Variants in PCDHA3 observed in about 807,000 individuals in gnomAD.
PCDHA3 encodes the protein protocadherin alpha 3, also known as protocadherin alpha-3.
PCDHA3 carries 41 observed loss-of-function variants against 62.2 expected under a neutral mutation model. That is an observed-to-expected ratio of 0.66 (90% CI 0.51 to 0.86). The LOEUF is 0.86. Ranked by LOEUF, PCDHA3 falls within the 40% of genes least tolerant of loss-of-function variation. The probability of loss-of-function intolerance (pLI) is 0.00; values close to 1 mark genes in which losing one functional copy is unlikely to be tolerated. For missense variants in PCDHA3, 1,304 were observed against 1,241.2 expected (o/e 1.05, Z -0.76); for synonymous variants, 640 against 555.4 (o/e 1.15, Z -2.14).
intron 3 of PCDHA3, among the ~76,000 whole-genome samples, chr5:140,985,928 C>G (rs1001132600): frequency 9.9e-5 from 15 of 151,534 alleles, no homozygotes; most frequent in Non-Finnish European, 1.3e-4. Context: ...TTTAGTAGAG[C>G]CGGGGTTTCA....
intron 1 of PCDHA3, among the ~76,000 whole-genome samples, chr5:140,970,594 T>C (rs975404675): frequency 6.6e-6 from 1 of 152,206 alleles, no homozygotes; most frequent in Admixed American, 6.5e-5. Flanking sequence ...ATATGCTTTG[T>C]GATACTTAAA....
intron 1 of PCDHA3, among the ~76,000 whole-genome samples, chr5:140,943,783 C>A (rs1388163068): frequency 1.3e-5 from 2 of 152,102 alleles, no homozygotes; most frequent in Non-Finnish European, 2.9e-5. Context: ...AGGAAGTGGT[C>A]CTTTATGCAA....
chr5:140,848,252 G>C (rs188149099), intron 1 of PCDHA3: 1 of 468,304 alleles, frequency 2.1e-6, no homozygotes, highest in African/African-American at 2.0e-5. Flanking sequence ...CAGAATAACT[G>C]TGAAATTTTT....
chr5:140,950,738 T>C (rs900517873), intron 1 of PCDHA3, among the ~76,000 whole-genome samples: 5 of 152,150 alleles, frequency 3.3e-5, no homozygotes, highest in African/African-American at 7.2e-5. Flanking sequence ...TTAATCCTAA[T>C]TTCTCTCTAT....
chr5:140,849,660 C>G (rs2041023883), intron 1 of PCDHA3: 1 of 1,598,636 alleles, frequency 6.3e-7, no homozygotes, highest in Admixed American at 1.7e-5. Context: ...TACCTGCTCC[C>G]TGACGCCCCA....
At chr5:140,822,988 T>G (rs1314541728) in intron 1 of PCDHA3, 1 of 1,614,104 alleles carries the variant, frequency 6.2e-7, no homozygotes, top group African/African-American at 1.3e-5. Context: ...GAATTACTAC[T>G]CGTTGGTGCT....
chr5:140,869,481 TAACG>T (rs1306564737), intron 1 of PCDHA3: 1 of 1,613,970 alleles, frequency 6.2e-7, no homozygotes, highest in African/African-American at 1.3e-5. Flanking sequence ...TGAAGGACAT[TAACG>T]ACAACCCGCC....
intron 1 of PCDHA3, among the ~76,000 whole-genome samples, chr5:140,905,589 G>T (rs1336272963): frequency 4.6e-5 from 7 of 152,084 alleles, no homozygotes; most frequent in African/African-American, 1.7e-4. Context: ...ATGATATTTT[G>T]CTGGGAATTG....
chr5:140,822,285 G>A, intron 1 of PCDHA3: 1 of 1,614,220 alleles, frequency 6.2e-7, no homozygotes, highest in Non-Finnish European at 8.5e-7. Context: ...TGAGATACAG[G>A]TTAAATCCAA....
chr5:140,864,378 T>C (rs1269675465), intron 1 of PCDHA3: 1 of 152,252 alleles, frequency 6.6e-6, no homozygotes, highest in Non-Finnish European at 1.5e-5. Context: ...ATCGATAAGT[T>C]TATCTCTCAC....
At chr5:140,808,448 T>C (rs1554124549) in intron 1 of PCDHA3, 6 of 1,614,100 alleles carry the variant, frequency 3.7e-6, no homozygotes, top group Middle Eastern at 1.7e-4. Context: ...CGTGTCAGCC[T>C]ATGAGCTGGT....
rs782628181 is a variant in PCDHA3, at chr5:140,850,474, C to G, written c.2394+46883C>G. 1.3e-6 allele frequency: 2 copies of G among 1,597,756 alleles called. 1 individual carries two copies. The highest frequency in any genetic ancestry group is 1.7e-6 in the Non-Finnish European group (2 of 1,167,580). On this transcript the variant is annotated intron_variant, in intron 1 of 3. Coordinates refer to ENST00000522353, the MANE Select transcript of PCDHA3 (RefSeq NM_018906.3). ...AAAGACCACGGGGAGCCAGCGCTGA[C>G]GGCCACGGCCACTGTGCTGGTGTCG...
intron 1 of PCDHA3, among the ~76,000 whole-genome samples, chr5:140,827,633 G>C (rs143632043): frequency 2.0e-5 from 3 of 152,212 alleles, no homozygotes; most frequent in Admixed American, 2.0e-4. Flanking sequence ...GTGTAGAATA[G>C]TTTACATTTC....
intron 1 of PCDHA3, among the ~76,000 whole-genome samples, chr5:140,899,424 T>A (rs1437811361): frequency 6.6e-6 from 1 of 152,206 alleles, no homozygotes; most frequent in African/African-American, 2.4e-5. Flanking sequence ...TTGTCAAAGG[T>A]CTTTTCTGCA....
At chr5:140,807,007 C>CA in intron 1 of PCDHA3, 2 of 765,926 alleles carry the variant, frequency 2.6e-6, no homozygotes, top group East Asian at 2.6e-5. Flanking sequence ...CTCTTTACCA[C>CA]AAAATACATG....
intron 1 of PCDHA3, among the ~76,000 whole-genome samples, chr5:140,964,638 A>T (rs1402541821): frequency 3.9e-5 from 6 of 152,098 alleles, no homozygotes; most frequent in Admixed American, 2.0e-4. Context: ...ATTTATTTTC[A>T]GAAACAAGTA....
rs868907785 is a variant in PCDHA3, at chr5:140,803,601, T to A, written c.2394+10T>A. The A allele has an allele frequency of 1.9e-6, 3 of 1,614,046 alleles. No individual in the cohort carries two copies. The South Asian group carries it at 3.3e-5, about 18-fold the overall frequency. ...TGATCTCTCAGCCAAAGTGAGTAAT[T>A]TTTATTTATTCTTTCCAAAATGTCT... On this transcript the variant is annotated intron_variant, in intron 1 of 3. Transcript: ENST00000522353.
chr5:141,010,291 G>A lies in PCDHA3; in HGVS notation c.*354G>A. ...GGATCCTGTCTTGATGACACTTGCA[G>A]GGCAGGCTGAAAAGTTTTGAGATTG... On this transcript the variant is annotated 3_prime_UTR_variant, in exon 4 of 4. Coordinates refer to ENST00000522353, the MANE Select transcript of PCDHA3 (RefSeq NM_018906.3). 1.3e-6 allele frequency: 2 copies of A among 1,549,990 alleles called. No individual in the cohort carries two copies. The highest frequency in any genetic ancestry group is 1.2e-5 in the South Asian group (1 of 83,762).
intron 1 of PCDHA3, among the ~76,000 whole-genome samples, chr5:140,941,214 C>CTTTCTTT (rs1554214039): frequency 0.058 from 7,135 of 122,220 alleles, 362 homozygotes; most frequent in South Asian, 0.079. Context: ...TTTCTTTCTT[C>CTTTCTTT]CTTTCTTTCT....
Sources: gnomAD v4.1 joint callset for allele counts (sites outside exome capture counted in the v4.1 genomes callset) on GRCh38, gnomAD v4.1.1 for gene constraint, MANE v1.5 for transcripts, NCBI Gene and HGNC (gene_info 2026-07-23, HGNC 2026-07-21) for gene names.